RPS6KC1: variants seen among roughly 807,000 people sequenced by gnomAD.
The protein encoded by RPS6KC1 is inactive ribosomal protein S6 kinase delta-1.
RPS6KC1 carries 54 observed loss-of-function variants against 103.8 expected under a neutral mutation model. The ratio of observed to expected loss-of-function variants is 0.52; its 90% CI spans 0.42 to 0.65. The LOEUF (loss-of-function observed/expected upper bound fraction) is 0.65. Among genes scored for constraint, RPS6KC1 ranks in the 30% least tolerant of loss-of-function variants. The pLI is 0.00. For synonymous variants in RPS6KC1, 439 were observed against 438.7 expected (o/e 1.00, Z -0.01); for missense variants, 1,151 against 1,253.8 (o/e 0.92, Z 1.24).
Position 213,272,603 on chromosome 1 carries a change from C to A in RPS6KC1, c.3170C>A (p.Thr1057Asn), listed in dbSNP as rs772070565. 1.4e-5 allele frequency: 22 copies of A among 1,613,426 alleles called. No homozygotes were observed. Among genetic ancestry groups the A allele is most frequent in the Non-Finnish European group, 1.6e-5 (19 of 1,179,602 alleles). ...VEDIKSHPFF[T>N]PVDWAELMR ...GATATCAAATCTCATCCATTTTTTA[C>A]CCCTGTGGATTGGGCAGAACTGATG... Residue 1057 changes from threonine to asparagine, a missense_variant, in exon 15 of 15, where the codon ACC becomes AAC. Thr to Asn is a moderately conservative substitution (Grantham distance 65). Around this residue, in one of 3 missense-constraint regions of RPS6KC1, gnomAD observed 189 missense variants for 228.8 expected, o/e 0.83. Transcript: ENST00000366960.
chr1:213,217,760 A>C (rs1170295820), intron 8 of RPS6KC1, among the ~76,000 whole-genome samples: 1 of 152,240 alleles, frequency 6.6e-6, no homozygotes, highest in Non-Finnish European at 1.5e-5. Flanking sequence ...AAACAGAACC[A>C]ATGACAAAAA....
At chr1:213,272,079 A>G (rs1463178831) in intron 14 of RPS6KC1, among the ~76,000 whole-genome samples, 7 of 152,334 alleles carry the variant, frequency 4.6e-5, no homozygotes, top group South Asian at 2.1e-4. Context: ...CACTTTAGGT[A>G]AAGTTTAGTC....
the RPS6KC1 span, among the ~76,000 whole-genome samples, chr1:213,604,272 C>T: frequency 2.6e-5 from 4 of 152,234 alleles, no homozygotes; most frequent in African/African-American, 9.6e-5. Flanking sequence ...CTTGCTGTTC[C>T]AGCTTAGTGC....
At chr1:213,457,516 C>T in the RPS6KC1 span, among the ~76,000 whole-genome samples, 1 of 152,192 alleles carries the variant, frequency 6.6e-6, no homozygotes, top group African/African-American at 2.4e-5. Context: ...GTCCCTTTCA[C>T]ACTCACTGGT....
chr1:213,543,986 C>G, the RPS6KC1 span, among the ~76,000 whole-genome samples: 1 of 152,118 alleles, frequency 6.6e-6, no homozygotes, highest in South Asian at 2.1e-4. Flanking sequence ...CTGGCAGACA[C>G]TAGTTCATCA....
Position 213,232,097 on chromosome 1 carries a change from C to A in RPS6KC1, c.1093-26C>A, listed in dbSNP as rs972719356. On this transcript the variant is annotated intron_variant, in intron 9 of 14. Transcript: ENST00000366960. The stretch of plus-strand genomic sequence containing the variant: ...GCAACTGAGGATGCAACTGAGGATA[C>A]AACTGACCTTTTTGTTCTCTGTCAG... 3 of 1,576,080 alleles carry A rather than the reference C, an allele frequency of 1.9e-6. No homozygotes were observed. The East Asian group carries it at 6.8e-5, about 36-fold the overall frequency.
chr1:213,346,815 C>T, the RPS6KC1 span, among the ~76,000 whole-genome samples: 5 of 152,020 alleles, frequency 3.3e-5, no homozygotes, highest in Non-Finnish European at 5.9e-5. Context: ...GGCCTTGTCC[C>T]GTAAGTTTAG....
chr1:213,435,437 C>T, the RPS6KC1 span, among the ~76,000 whole-genome samples: 7 of 152,132 alleles, frequency 4.6e-5, no homozygotes, highest in Non-Finnish European at 8.8e-5. Context: ...AATATTGCCT[C>T]ATTGGGTACT....
intron 12 of RPS6KC1, among the ~76,000 whole-genome samples, chr1:213,243,831 G>C (rs1286369526): frequency 1.3e-5 from 2 of 152,128 alleles, no homozygotes; most frequent in African/African-American, 4.8e-5. Context: ...GCTAACTAGT[G>C]TATTGATGCT....
chr1:213,363,810 C>A, the RPS6KC1 span, among the ~76,000 whole-genome samples: 1 of 43,566 alleles, frequency 2.3e-5, no homozygotes, highest in South Asian at 5.8e-4. Flanking sequence ...TTCTTTCTTT[C>A]TTTCTTCTCT....
chr1:213,366,637 A>G, the RPS6KC1 span, among the ~76,000 whole-genome samples: 1 of 152,222 alleles, frequency 6.6e-6, no homozygotes, highest in Non-Finnish European at 1.5e-5. Flanking sequence ...AAAAGCAGAC[A>G]GTGGGCTGGA....
intron 8 of RPS6KC1, among the ~76,000 whole-genome samples, chr1:213,228,649 T>C (rs1359597782): frequency 1.3e-5 from 2 of 151,956 alleles, no homozygotes; most frequent in East Asian, 3.9e-4. Flanking sequence ...CGTTTGAACC[T>C]GGAAGGTTGA....
chr1:213,173,719 G>T (rs1433337895), intron 7 of RPS6KC1, among the ~76,000 whole-genome samples: 2 of 152,072 alleles, frequency 1.3e-5, no homozygotes, highest in African/African-American at 2.4e-5. Flanking sequence ...GTGTTTTATT[G>T]TTATTTAACT....
At chr1:213,620,878 A>C in the RPS6KC1 span, among the ~76,000 whole-genome samples, 16 of 152,278 alleles carry the variant, frequency 1.1e-4, no homozygotes, top group South Asian at 1.5e-3. Context: ...AAAGAATTAG[A>C]GTATATTTCT....
chr1:213,653,933 C>G, the RPS6KC1 span, among the ~76,000 whole-genome samples: 1 of 152,176 alleles, frequency 6.6e-6, no homozygotes, highest in African/African-American at 2.4e-5. Context: ...GCATACCTCC[C>G]ATTGTCACAC....
the RPS6KC1 span, among the ~76,000 whole-genome samples, chr1:213,753,983 C>T: frequency 2.2e-4 from 34 of 152,230 alleles, no homozygotes; most frequent in East Asian, 3.9e-4. Flanking sequence ...CCTGGGAGGG[C>T]GGAGAACACC....
chr1:213,575,738 A>G, the RPS6KC1 span, among the ~76,000 whole-genome samples: 1 of 152,220 alleles, frequency 6.6e-6, no homozygotes, highest in South Asian at 2.1e-4. Flanking sequence ...GGGAAATGAC[A>G]TGCGGACTGG....
chr1:213,826,161 T>C, the RPS6KC1 span, among the ~76,000 whole-genome samples: 1 of 152,196 alleles, frequency 6.6e-6, no homozygotes, highest in Non-Finnish European at 1.5e-5. Flanking sequence ...AAATGACAAA[T>C]CTATATTTTA....
chr1:213,765,481 C>T, the RPS6KC1 span, among the ~76,000 whole-genome samples: 9 of 152,304 alleles, frequency 5.9e-5, no homozygotes, highest in Middle Eastern at 6.8e-3. Flanking sequence ...AGATTTGAAA[C>T]GGTCTGCTAA....
Sources: gnomAD v4.1 joint callset for allele counts (sites outside exome capture counted in the v4.1 genomes callset) on GRCh38, gnomAD v4.1.1 for gene constraint, gnomAD v4.1.1 regional missense constraint, MANE v1.5 for transcripts, NCBI Gene and HGNC (gene_info 2026-07-23, HGNC 2026-07-21) for gene names.